The following EYS variants were observed in gnomAD, a reference collection of about 807,000 sequenced individuals.
The protein encoded by EYS is EGF-like photoreceptor maintenance factor.
In EYS, 250 loss-of-function variants were observed where a neutral mutation model predicts 282.1. That is an observed-to-expected ratio of 0.89 (90% CI 0.80 to 0.98). The LOEUF (loss-of-function observed/expected upper bound fraction) is 0.98, where lower values mean the gene tolerates loss of function less well. EYS is among the 50% of genes least tolerant of loss of function. The pLI, the probability that EYS is intolerant of heterozygous loss-of-function variation, is 0.00. For synonymous variants in EYS, 1,355 were observed against 1,282.9 expected (o/e 1.06, Z -1.20); for missense variants, 4,016 against 3,709.0 (o/e 1.08, Z -2.15).
intron 31 of EYS, among the ~76,000 whole-genome samples, chr6:64,107,620 T>C (rs576783607): frequency 1.4e-4 from 21 of 152,106 alleles, no homozygotes; most frequent in African/African-American, 4.6e-4. Context: ...TGGCAGCACC[T>C]TCACAGACAC....
At chr6:65,074,465 G>T (rs1474408495) in intron 12 of EYS, among the ~76,000 whole-genome samples, 1 of 151,980 alleles carries the variant, frequency 6.6e-6, no homozygotes, top group East Asian at 1.9e-4. Flanking sequence ...TATTAAATAT[G>T]AACGTCTCTG....
At chr6:64,536,048 T>C (rs947802725) in intron 26 of EYS, among the ~76,000 whole-genome samples, 1 of 152,058 alleles carries the variant, frequency 6.6e-6, no homozygotes, top group African/African-American at 2.4e-5. Flanking sequence ...AAGTTTGTTT[T>C]CTAATACCAT....
intron 13 of EYS, among the ~76,000 whole-genome samples, chr6:65,038,068 C>A (rs528827050): frequency 1.8e-4 from 27 of 151,512 alleles, no homozygotes; most frequent in African/African-American, 6.0e-4. Context: ...GAATCACTAA[C>A]CAAAACCACT....
At chr6:65,272,762 C>T (rs12199740) in intron 12 of EYS, among the ~76,000 whole-genome samples, 6,597 of 152,008 alleles carry the variant, frequency 0.043, 190 homozygotes, top group Middle Eastern at 0.068. Flanking sequence ...CTCATTCTCA[C>T]GGATAAGTAG....
At chr6:65,655,087 T>C (rs1301040942) in intron 1 of EYS, among the ~76,000 whole-genome samples, 1 of 151,438 alleles carries the variant, frequency 6.6e-6, no homozygotes, top group African/African-American at 2.4e-5. Flanking sequence ...AGTAACTCAA[T>C]GCATTTTTAT....
chr6:64,592,066 A>T (rs928730827), intron 25 of EYS, 77 bp from the exon 26 acceptor site: 2 of 1,040,934 alleles, frequency 1.9e-6, no homozygotes, highest in East Asian at 2.6e-5. Flanking sequence ...GATAAATCTC[A>T]GGCAAATTGC....
At chr6:65,434,929 C>T (rs1363544726) in intron 5 of EYS, among the ~76,000 whole-genome samples, 1 of 151,780 alleles carries the variant, frequency 6.6e-6, no homozygotes, top group Non-Finnish European at 1.5e-5. Flanking sequence ...TCCTAGTATT[C>T]TTAATATTTA....
chr6:64,410,622 T>C, intron 28 of EYS, among the ~76,000 whole-genome samples: 1 of 152,182 alleles, frequency 6.6e-6, no homozygotes, highest in East Asian at 1.9e-4. Flanking sequence ...GCCCAATTCA[T>C]TGTTGTGTGT....
At position 65,023,534 on chromosome 6, in the gene EYS, A is replaced by T. The variant is rs576511191; in HGVS notation, c.2138-25831T>A. ...GATTTCCTGCCGTTGACATATGTTAATCCAAAATAAGAAAAATGGGAGAAG... is the reference window on the plus strand; with the variant it reads ...GATTTCCTGCCGTTGACATATGTTATTCCAAAATAAGAAAAATGGGAGAAG... On this transcript the variant is annotated intron_variant, in intron 13 of 42. Coordinates refer to ENST00000503581, the MANE Select transcript of EYS (RefSeq NM_001142800.2). Among the ~76,000 whole-genome samples, 5 of 152,310 alleles carry T rather than the reference A, an allele frequency of 3.3e-5. No individual in the cohort carries two copies. In the South Asian group the frequency reaches 1.0e-3, roughly 32 times the overall value.
chr6:63,832,055 A>G (rs1462529526), intron 36 of EYS, among the ~76,000 whole-genome samples: 1 of 152,220 alleles, frequency 6.6e-6, no homozygotes, highest in Non-Finnish European at 1.5e-5. Flanking sequence ...TCTCTGGGAT[A>G]AATTTAAAGC....
At chr6:64,516,985 A>T (rs1399169292) in intron 26 of EYS, among the ~76,000 whole-genome samples, 1 of 151,804 alleles carries the variant, frequency 6.6e-6, no homozygotes, top group Non-Finnish European at 1.5e-5. Flanking sequence ...GCTTTGTTAA[A>T]GATATCTCTT....
At chr6:64,807,707 T>G (rs1764474679) in intron 22 of EYS, among the ~76,000 whole-genome samples, 1 of 152,098 alleles carries the variant, frequency 6.6e-6, no homozygotes. Flanking sequence ...GTTTAGGTGT[T>G]TAAAATGTCC....
At chr6:65,519,978 T>C (rs1348072755) in intron 2 of EYS, among the ~76,000 whole-genome samples, 1 of 150,780 alleles carries the variant, frequency 6.6e-6, no homozygotes, top group Non-Finnish European at 1.5e-5. Context: ...TCACTCTTTA[T>C]AGATTAATTT....
chr6:63,897,970 C>T lies in EYS; in HGVS notation c.7056-33612G>A, dbSNP rs1234722918. ...GAAGCAGAGACATTAATAAGATTAT[C>T]ACTCATGAAACCTGAGGAGAGTTTA... On this transcript the variant is annotated intron_variant, in intron 35 of 42. Transcript: ENST00000503581. 2.6e-5 allele frequency among the ~76,000 whole-genome samples: 4 copies of T among 152,298 alleles called. No individual in the cohort carries two copies. The East Asian group carries it at 7.7e-4, about 29-fold the overall frequency.
intron 19 of EYS, among the ~76,000 whole-genome samples, chr6:64,884,578 A>G (rs1024140883): frequency 1.3e-5 from 2 of 151,574 alleles, no homozygotes; most frequent in African/African-American, 4.8e-5. Context: ...CTTGAAAAAA[A>G]GATTTCCAGA....
intron 5 of EYS, among the ~76,000 whole-genome samples, chr6:65,425,744 G>T (rs1000510390): frequency 7.2e-5 from 11 of 152,018 alleles, no homozygotes; most frequent in African/African-American, 2.7e-4. Flanking sequence ...CATGGCGAGG[G>T]ACCAGTCTTT....
chr6:65,090,248 G>A (rs1265770114), intron 12 of EYS, among the ~76,000 whole-genome samples: 1 of 152,052 alleles, frequency 6.6e-6, no homozygotes, highest in Non-Finnish European at 1.5e-5. Flanking sequence ...TCATGATAAT[G>A]AGTGAGTCTC....
At chr6:65,623,190 C>T (rs1199041285) in intron 2 of EYS, among the ~76,000 whole-genome samples, 7 of 152,136 alleles carry the variant, frequency 4.6e-5, no homozygotes, top group Admixed American at 2.6e-4. Flanking sequence ...TGGACAATGT[C>T]CTGCTGGATA....
At chr6:64,716,425 G>C (rs1374114823) in intron 22 of EYS, among the ~76,000 whole-genome samples, 2 of 152,124 alleles carry the variant, frequency 1.3e-5, no homozygotes, top group Admixed American at 1.3e-4. Flanking sequence ...AAGCATTGTT[G>C]CCTTGTTATC....
Sources: gnomAD v4.1 joint callset for allele counts (sites outside exome capture counted in the v4.1 genomes callset) on GRCh38, gnomAD v4.1.1 for gene constraint, MANE v1.5 for transcripts, NCBI Gene and HGNC (gene_info 2026-07-23, HGNC 2026-07-21) for gene names.